SPAG6: variants seen among roughly 807,000 people sequenced by gnomAD.
SPAG6 encodes sperm associated antigen 6.
SPAG6 carries 49 observed loss-of-function variants against 58.5 expected under a neutral mutation model. The observed-to-expected ratio is 0.84, with a 90% CI of 0.67 to 1.06. The LOEUF is 1.06. Ranked by LOEUF, SPAG6 falls within the 50% of genes least tolerant of loss-of-function variation. SPAG6 has a pLI of 0.00. For missense variants in SPAG6, 560 were observed against 611.3 expected (o/e 0.92, Z 0.89); for synonymous variants, 233 against 225.6 (o/e 1.03, Z -0.29).
rs142339347 is a variant in SPAG6, at chr10:22,368,592, C to T, written c.386C>T (p.Thr129Met). Residue 129 changes from threonine to methionine, a missense_variant, in exon 4 of 11, where the codon ACG becomes ATG. By Grantham distance (81) the Thr-to-Met change is moderately conservative. Transcript: ENST00000376624. ...QAIVDCGALDTLVICLEDFDP... is the reference protein window; with the variant it reads ...QAIVDCGALDMLVICLEDFDP... The stretch of plus-strand genomic sequence containing the variant: ...ATAGTCGATTGTGGAGCACTGGATA[C>T]GCTGGTCATATGCTTGGAAGATTTT... 207 of 1,613,874 alleles carry T rather than the reference C, an allele frequency of 1.3e-4. 6 individuals are homozygous for T. The South Asian group carries it at 1.5e-3, about 12-fold the overall frequency.
chr10:22,403,499 G>A (rs1284760000), intron 9 of SPAG6, among the ~76,000 whole-genome samples: 1 of 152,186 alleles, frequency 6.6e-6, no homozygotes, highest in Non-Finnish European at 1.5e-5. Context: ...ATTCCATGGT[G>A]TATATGTGCC....
In SPAG6 at chr10:22,391,825, C is replaced by A; in HGVS notation, c.1102C>A (p.Pro368Thr). ...WALGQIGRHTPEHARAVAVTN... is the reference protein window; with the variant it reads ...WALGQIGRHTTEHARAVAVTN... ...CTTAGGACAGATTGGAAGACACACT[C>A]CTGAACACGCACGGGCTGTTGCAGT... The change falls in exon 8 of 11, where the codon CCT becomes ACT. Residue 368 changes from proline (P) to threonine (T), a missense_variant. Pro to Thr is a conservative substitution (Grantham distance 38, BLOSUM62 -1). Coordinates refer to ENST00000376624, the MANE Select transcript of SPAG6 (RefSeq NM_012443.4). The A allele has an allele frequency of 6.2e-7, 1 of 1,613,474 alleles. No homozygotes were observed. Among genetic ancestry groups the A allele is most frequent in the Non-Finnish European group, 8.5e-7 (1 of 1,179,662 alleles).
At chr10:22,398,802 A>G (rs1451536179) in intron 8 of SPAG6, among the ~76,000 whole-genome samples, 1 of 152,150 alleles carries the variant, frequency 6.6e-6, no homozygotes, top group Non-Finnish European at 1.5e-5. Flanking sequence ...TTTGCAATTC[A>G]AGAAAGGAGT....
At chr10:22,359,333 T>A in intron 2 of SPAG6, 1 of 355,372 alleles carries the variant, frequency 2.8e-6, no homozygotes. Context: ...ACTGTTGGAA[T>A]TTGAATTTTT....
chr10:22,400,030 TG>T (rs1834374123), intron 8 of SPAG6, among the ~76,000 whole-genome samples: 1 of 152,180 alleles, frequency 6.6e-6, no homozygotes, highest in African/African-American at 2.4e-5. Flanking sequence ...CTGCTTAGCC[TG>T]GGTCTCCAGG....
rs184550118 is a variant in SPAG6 at position 22,396,225 on chromosome 10, C to A, written c.1197+4305C>A. The stretch of plus-strand genomic sequence containing the variant: ...CATCTTGAATTGTACTCCCATAATT[C>A]CCACGTGTTGTGGGAGGGACCTGGT... On this transcript the variant is annotated intron_variant, in intron 8 of 10. Coordinates refer to ENST00000376624, the MANE Select transcript of SPAG6 (RefSeq NM_012443.4). 3.3e-4 allele frequency among the ~76,000 whole-genome samples: 51 copies of A among 152,260 alleles called. No individual in the cohort carries two copies. In the East Asian group the frequency reaches 9.5e-3, roughly 28 times the overall value.
At chr10:22,353,657 G>GT (rs1171947521) in intron 2 of SPAG6, among the ~76,000 whole-genome samples, 2 of 152,218 alleles carry the variant, frequency 1.3e-5, no homozygotes, top group African/African-American at 4.8e-5. Flanking sequence ...GAGTGTCCAA[G>GT]TATCAGATGG....
At chr10:22,402,852 G>A (rs1834448125) in intron 9 of SPAG6, among the ~76,000 whole-genome samples, 1 of 152,130 alleles carries the variant, frequency 6.6e-6, no homozygotes, top group Non-Finnish European at 1.5e-5. Context: ...AGGGGTAAGG[G>A]GCTGAGTAGA....
Position 22,416,716 on chromosome 10 carries a change from C to T in SPAG6, c.*28C>T, listed in dbSNP as rs1193555451. On this transcript the variant is annotated 3_prime_UTR_variant, in exon 11 of 11. Transcript: ENST00000376624. ...AAAGTTATATTGTGATACTCAAATT[C>T]ACAGCAGAGTAGTTTTGAGTAACAG... The T allele has an allele frequency of 2.2e-6, 3 of 1,373,116 alleles. No individual in the cohort carries two copies. Among genetic ancestry groups the T allele is most frequent in the Non-Finnish European group, 3.1e-6 (3 of 963,354 alleles). 85.1% of individuals were successfully genotyped at this position (1,373,116 alleles called of 1,614,324 possible).
intron 5 of SPAG6, among the ~76,000 whole-genome samples, 158 bp from the exon 6 acceptor site, chr10:22,387,665 T>C (rs1030391732): frequency 9.2e-5 from 14 of 152,228 alleles, no homozygotes; most frequent in African/African-American, 3.1e-4. Flanking sequence ...TGAATGTGAA[T>C]GTCTCAAGAC....
intron 8 of SPAG6, among the ~76,000 whole-genome samples, chr10:22,398,096 C>T (rs911905719): frequency 1.3e-5 from 2 of 152,150 alleles, no homozygotes; most frequent in East Asian, 3.9e-4. Flanking sequence ...CTGAAATAAA[C>T]CCTTTTTATC....
chr10:22,413,687 T>TTATATATATATATATATATATATA lies in SPAG6; in HGVS notation c.1460+2511_1460+2512insTATATATATATATATATATATATA, dbSNP rs1564384057. ...TACCTGACTAATGTTTTCAAATTTC[T>TTATATATATATATATATATATATA]GATATATATATATATATATATTTCA... On this transcript the variant is annotated intron_variant, in intron 10 of 10. Transcript: ENST00000376624. 1.2e-4 allele frequency among the ~76,000 whole-genome samples: 15 copies of TTATATATATATATATATATATATA among 130,128 alleles called. 1 individual carries two copies. The highest frequency in any genetic ancestry group is 6.7e-4 in the African/African-American group (15 of 22,436). The allele number at this position is 130,128 out of a possible 152,430, so 85.4% of individuals were successfully genotyped here.
At chr10:22,408,827 A>G (rs1834635530) in intron 9 of SPAG6, among the ~76,000 whole-genome samples, 1 of 152,216 alleles carries the variant, frequency 6.6e-6, no homozygotes, top group Non-Finnish European at 1.5e-5. Context: ...TGTGTGGGAT[A>G]TAATCTCCTG....
Position 22,391,324 on chromosome 10 carries a change from T to C in SPAG6, c.1006-405T>C, listed in dbSNP as rs532167505. Among the ~76,000 whole-genome samples, 12 of 152,342 alleles carry C rather than the reference T, an allele frequency of 7.9e-5. 3 individuals carry two copies. The highest frequency in any genetic ancestry group is 2.6e-4 in the African/African-American group (11 of 41,590). On this transcript the variant is annotated intron_variant, in intron 7 of 10. Transcript: ENST00000376624. Reference sequence around the variant, plus strand: ...GGCTTATTATATCAGGTTTATTATATTTGGTGAAAAGACAATTTCTTTAAA... The same window carrying C: ...GGCTTATTATATCAGGTTTATTATACTTGGTGAAAAGACAATTTCTTTAAA...
intron 10 of SPAG6, among the ~76,000 whole-genome samples, chr10:22,411,838 A>ATTTTTTT (rs1283503992): frequency 2.3e-5 from 3 of 132,708 alleles, no homozygotes; most frequent in African/African-American, 1.0e-4. Flanking sequence ...AAACAACTGA[A>ATTTTTTT]TCTTTTTTTT....
intron 9 of SPAG6, among the ~76,000 whole-genome samples, 159 bp from the exon 10 acceptor site, chr10:22,410,872 C>T (rs1413595623): frequency 6.6e-6 from 1 of 152,176 alleles, no homozygotes; most frequent in African/African-American, 2.4e-5. Flanking sequence ...CTAAAAAGCA[C>T]ATTTCACTTC....
At chr10:22,413,708 T>TATA (rs1564384103) in intron 10 of SPAG6, among the ~76,000 whole-genome samples, 1 of 150,882 alleles carries the variant, frequency 6.6e-6, no homozygotes, top group African/African-American at 2.5e-5. Flanking sequence ...TATATATATA[T>TATA]TTCACCCACA....
chr10:22,400,240 A>T lies in SPAG6; in HGVS notation c.1198-921A>T, dbSNP rs115615246. On this transcript the variant is annotated intron_variant, in intron 8 of 10. Transcript: ENST00000376624. ...TGGGTAAGGCCTCAGAGAGAGAATA[A>T]GTGAAGAGAAAAGCCATAAGGGAGC... Among the ~76,000 whole-genome samples the T allele has an allele frequency of 8.0e-3, 1,214 of 152,274 alleles. 15 individuals carry two copies. The highest frequency in any genetic ancestry group is 0.027 in the African/African-American group (1,126 of 41,564).
At chr10:22,389,054 A>G in intron 6 of SPAG6, 106 bp from the exon 7 acceptor site, 2 of 838,500 alleles carry the variant, frequency 2.4e-6, no homozygotes, top group South Asian at 2.8e-5. Context: ...TGATAATTCA[A>G]TTTCACCAGT....
Sources: gnomAD v4.1 joint callset for allele counts (sites outside exome capture counted in the v4.1 genomes callset) on GRCh38, gnomAD v4.1.1 for gene constraint, MANE v1.5 for transcripts, NCBI Gene and HGNC (gene_info 2026-07-23, HGNC 2026-07-21) for gene names.